RAI1: variants seen among roughly 807,000 people sequenced by gnomAD.
RAI1 encodes retinoic acid induced 1.
RAI1 carries 9 observed loss-of-function variants against 123.8 expected under a neutral mutation model. The ratio of observed to expected loss-of-function variants is 0.07; its 90% CI spans 0.04 to 0.13. The LOEUF is 0.13. Ranked by LOEUF, RAI1 falls within the 10% of genes least tolerant of loss-of-function variation. RAI1 has a pLI of 1.00. For missense variants in RAI1, 2,256 were observed against 2,545.8 expected (o/e 0.89, Z 2.45); for synonymous variants, 1,231 against 1,127.3 (o/e 1.09, Z -1.84).
chr17:17,761,701 G>A (rs948547773), intron 2 of RAI1, among the ~76,000 whole-genome samples: 3 of 152,220 alleles, frequency 2.0e-5, no homozygotes, highest in African/African-American at 7.2e-5. Context: ...GTAGCTCCTT[G>A]TAAGTCATTG....
intron 2 of RAI1, chr17:17,778,986 A>G (rs1332603835): frequency 4.6e-6 from 2 of 434,102 alleles, no homozygotes; most frequent in African/African-American, 4.0e-5. Context: ...TATTCTGTTC[A>G]CTCTGGGAGA....
chr17:17,702,480 C>T (rs1418727982), intron 1 of RAI1, among the ~76,000 whole-genome samples: 1 of 152,242 alleles, frequency 6.6e-6, no homozygotes, highest in African/African-American at 2.4e-5. Context: ...AGCAGTGGGG[C>T]CTGCTGCCCA....
At chr17:17,783,515 C>A (rs990702169) in intron 2 of RAI1, among the ~76,000 whole-genome samples, 4 of 152,268 alleles carry the variant, frequency 2.6e-5, no homozygotes, top group African/African-American at 7.2e-5. Flanking sequence ...CTTTGTCTTA[C>A]ACGGCTGAAA....
intron 2 of RAI1, among the ~76,000 whole-genome samples, chr17:17,745,293 G>T (rs1021086524): frequency 1.3e-4 from 20 of 151,770 alleles, no homozygotes; most frequent in Non-Finnish European, 2.1e-4. Flanking sequence ...GAGTCCCTGT[G>T]GGATGGCCAT....
chr17:17,734,895 C>T (rs1426905755), intron 2 of RAI1, among the ~76,000 whole-genome samples: 2 of 152,228 alleles, frequency 1.3e-5, no homozygotes, highest in Non-Finnish European at 2.9e-5. Flanking sequence ...TCCCCAAGAA[C>T]AGCCATCTCT....
intron 1 of RAI1, among the ~76,000 whole-genome samples, chr17:17,692,893 G>T (rs1263569568): frequency 6.6e-6 from 1 of 152,222 alleles, no homozygotes; most frequent in African/African-American, 2.4e-5. Flanking sequence ...AGAGTCCTAG[G>T]TAGAGGGAGC....
chr17:17,806,372 G>A (rs1598100425), intron 4 of RAI1, among the ~76,000 whole-genome samples: 1 of 152,312 alleles, frequency 6.6e-6, no homozygotes, highest in Admixed American at 6.5e-5. Context: ...ATTGAGGCAG[G>A]AAAGGGACTG....
chr17:17,736,728 G>A (rs1916446902), intron 2 of RAI1, among the ~76,000 whole-genome samples: 1 of 152,204 alleles, frequency 6.6e-6, no homozygotes, highest in South Asian at 2.1e-4. Context: ...GAACATTTCT[G>A]GAGATGGGAG....
chr17:17,811,096 TGTCC>T lies in RAI1; in HGVS notation c.*1122_*1125del, dbSNP rs1171798584. 3 of 291,062 alleles carry T rather than the reference TGTCC, an allele frequency of 1.0e-5. No individual in the cohort carries two copies. The highest frequency in any genetic ancestry group is 4.6e-5 in the African/African-American group (2 of 43,524). The allele number at this position is 291,062 out of a possible 1,614,324, so 18.0% of individuals were successfully genotyped here. On this transcript the variant is annotated 3_prime_UTR_variant, in exon 6 of 6. Coordinates refer to ENST00000353383, the MANE Select transcript of RAI1 (RefSeq NM_030665.4). ...GCCAGTCCCTGCCAGTCCGTCCGCC[TGTCC>T]GTCCGTGTCCTCAGCTCTGTCCACG...
chr17:17,709,574 C>T (rs2142902452), intron 1 of RAI1, among the ~76,000 whole-genome samples: 1 of 152,318 alleles, frequency 6.6e-6, no homozygotes, highest in East Asian at 1.9e-4. Context: ...GCCTGGGCAG[C>T]TGCCCACTAG....
chr17:17,713,351 A>G (rs1307858765), intron 1 of RAI1, among the ~76,000 whole-genome samples: 2 of 152,292 alleles, frequency 1.3e-5, no homozygotes, highest in African/African-American at 4.8e-5. Flanking sequence ...TCTAAATAAT[A>G]ATAATAGGCC....
Position 17,806,861 on chromosome 17 carries a change from G to T in RAI1, c.5660-2529G>T, listed in dbSNP as rs184024036. On this transcript the variant is annotated intron_variant, in intron 4 of 5. Coordinates refer to ENST00000353383, the MANE Select transcript of RAI1 (RefSeq NM_030665.4). ...GCACAGAGAAGTGCAGGCCACCTGG[G>T]GTGAGCTGCAGAGCCACACCACAAA... 2.6e-3 allele frequency among the ~76,000 whole-genome samples: 392 copies of T among 152,304 alleles called. 1 individual carries two copies. Among genetic ancestry groups the T allele is most frequent in the Admixed American group, 4.3e-3 (66 of 15,306 alleles).
chr17:17,804,707 T>C (rs1260443980), intron 4 of RAI1, among the ~76,000 whole-genome samples: 1 of 152,136 alleles, frequency 6.6e-6, no homozygotes, highest in African/African-American at 2.4e-5. Flanking sequence ...TCACCCAAGC[T>C]AGAGTGCAGG....
intron 2 of RAI1, among the ~76,000 whole-genome samples, chr17:17,788,722 G>A (rs1349059019): frequency 6.6e-6 from 1 of 152,084 alleles, no homozygotes; most frequent in African/African-American, 2.4e-5. Flanking sequence ...CCCCCAGTCC[G>A]TTTCTTTCTC....
intron 2 of RAI1, among the ~76,000 whole-genome samples, chr17:17,783,755 C>T (rs970611166): frequency 1.3e-5 from 2 of 151,720 alleles, no homozygotes; most frequent in African/African-American, 4.8e-5. Context: ...CCCTCCACCT[C>T]GATGGGGTGC....
intron 2 of RAI1, among the ~76,000 whole-genome samples, chr17:17,762,038 C>T (rs773680961): frequency 2.6e-5 from 4 of 152,054 alleles, no homozygotes; most frequent in African/African-American, 9.7e-5. Flanking sequence ...GCACTGGGCT[C>T]GAGGCTGGAG....
At chr17:17,762,432 T>C (rs1162133311) in intron 2 of RAI1, among the ~76,000 whole-genome samples, 1 of 152,116 alleles carries the variant, frequency 6.6e-6, no homozygotes, top group East Asian at 1.9e-4. Flanking sequence ...GGAGTACCCC[T>C]AACCTTAGAC....
chr17:17,743,856 T>C (rs1186802850), intron 2 of RAI1, among the ~76,000 whole-genome samples: 2 of 152,210 alleles, frequency 1.3e-5, no homozygotes, highest in African/African-American at 4.8e-5. Context: ...GCCAAGGACA[T>C]CTTTTAGGCT....
chr17:17,751,127 TG>T (rs1236867242), intron 2 of RAI1, among the ~76,000 whole-genome samples: 1 of 152,198 alleles, frequency 6.6e-6, no homozygotes, highest in Admixed American at 6.5e-5. Flanking sequence ...CAGCCCTCCA[TG>T]CAGGAAAGCG....
Sources: allele counts gnomAD v4.1 joint callset (sites outside exome capture counted in the v4.1 genomes callset), GRCh38; gene constraint gnomAD v4.1.1; transcripts MANE v1.5; gene names NCBI Gene and HGNC (gene_info 2026-07-23, HGNC 2026-07-21).